Variants in VPS8 observed in about 807,000 individuals in gnomAD.
The protein encoded by VPS8 is vacuolar protein sorting-associated protein 8 homolog.
Under a neutral mutation model 216.4 loss-of-function variants are expected in VPS8, and 129 were observed. The ratio of observed to expected loss-of-function variants is 0.60; its 90% CI spans 0.52 to 0.69. The LOEUF (loss-of-function observed/expected upper bound fraction) is 0.69, where lower values mean the gene tolerates loss of function less well. Ranked by LOEUF, VPS8 falls within the 30% of genes least tolerant of loss-of-function variation. The pLI is 0.00. For missense variants in VPS8, 1,531 were observed against 1,683.5 expected, an observed-to-expected ratio of 0.91 and a Z score of 1.59; for synonymous variants, 571 against 565.4, an observed-to-expected ratio of 1.01 and a Z score of -0.14.
chr3:184,865,762 A>G (rs1457271396), intron 16 of VPS8, among the ~76,000 whole-genome samples: 1 of 151,922 alleles, frequency 6.6e-6, no homozygotes, highest in African/African-American at 2.4e-5. Context: ...CCGAGGCGGG[A>G]GGATCACCTG....
chr3:184,946,232 C>T (rs1252317128), intron 36 of VPS8, among the ~76,000 whole-genome samples: 1 of 152,210 alleles, frequency 6.6e-6, no homozygotes, highest in African/African-American at 2.4e-5. Flanking sequence ...CCCATAATCC[C>T]AATCTTGTAG....
chr3:184,820,795 T>G (rs1340953025), intron 1 of VPS8, among the ~76,000 whole-genome samples: 1 of 152,178 alleles, frequency 6.6e-6, no homozygotes, highest in Non-Finnish European at 1.5e-5. Context: ...AAGTGTAGAC[T>G]AATGTTGATG....
At chr3:184,877,088 C>G (rs1340249887) in intron 21 of VPS8, among the ~76,000 whole-genome samples, 1 of 152,174 alleles carries the variant, frequency 6.6e-6, no homozygotes, top group African/African-American at 2.4e-5. Context: ...TCCCTGTTCT[C>G]TCTTTACCCA....
chr3:184,843,236 A>C lies in VPS8; in HGVS notation c.536-4A>C. 7.0e-7 allele frequency: 1 copy of C among 1,420,628 alleles called. No individual in the cohort carries two copies. Among genetic ancestry groups the C allele is most frequent in the East Asian group, 2.5e-5 (1 of 40,004 alleles). 88.0% of individuals were successfully genotyped at this position (1,420,628 alleles called of 1,614,324 possible). On this transcript the variant is annotated splice_region_variant and splice_polypyrimidine_tract_variant and intron_variant, in intron 7 of 47. Transcript: ENST00000625842. ...TCTTGATCTTTTCTTCATGGATTCA[A>C]AAGGAAAAGGTATAGTAAGTAATTT... is the stretch of plus-strand genomic sequence containing the variant.
intron 28 of VPS8, 102 bp from the exon 29 acceptor site, chr3:184,920,025 T>G: frequency 1.2e-6 from 1 of 842,988 alleles, no homozygotes; most frequent in Non-Finnish European, 1.8e-6. Flanking sequence ...AGTTATCTTA[T>G]TTGAGAAATT....
chr3:184,908,918 T>C (rs1735982083), intron 25 of VPS8, among the ~76,000 whole-genome samples: 1 of 152,168 alleles, frequency 6.6e-6, no homozygotes, highest in African/African-American at 2.4e-5. Flanking sequence ...AACATTCGAT[T>C]GGTTAAAAGG....
intron 7 of VPS8, chr3:184,840,242 T>A (rs1721872064): frequency 6.5e-6 from 1 of 152,794 alleles, no homozygotes; most frequent in South Asian, 2.1e-4. Context: ...ATCACATTGC[T>A]TTCTTGGTTG....
chr3:184,992,978 G>A (rs1028023215), intron 42 of VPS8, among the ~76,000 whole-genome samples: 9 of 152,056 alleles, frequency 5.9e-5, no homozygotes, highest in Admixed American at 2.0e-4. Context: ...ATTTGATAAT[G>A]GTGGCTGGAG....
intron 22 of VPS8, among the ~76,000 whole-genome samples, chr3:184,890,215 A>G (rs1240279597): frequency 6.6e-6 from 1 of 152,122 alleles, no homozygotes. Context: ...TCTCTTCTGC[A>G]TTTCCAAATT....
rs574214192 is a variant in VPS8 at position 185,027,064 on chromosome 3, T to C, written c.4056+2675T>C. On this transcript the variant is annotated intron_variant, in intron 46 of 47. Transcript: ENST00000625842. The stretch of plus-strand genomic sequence containing the variant: ...TAAACAGTGGACTAGAGAAAAGAAA[T>C]ACAATCCTGTTCTCAAAGACCTCAG... Among the ~76,000 whole-genome samples, 21 of 151,842 alleles carry C rather than the reference T, an allele frequency of 1.4e-4. No homozygotes were observed. The South Asian group carries it at 4.4e-3, about 32-fold the overall frequency.
chr3:184,841,806 T>C (rs1158887679), intron 7 of VPS8, among the ~76,000 whole-genome samples: 1 of 152,058 alleles, frequency 6.6e-6, no homozygotes, highest in Non-Finnish European at 1.5e-5. Context: ...ATCAGAGAGG[T>C]TAAGTGAGAT....
At chr3:185,005,681 A>G (rs1403784115) in intron 45 of VPS8, among the ~76,000 whole-genome samples, 1 of 151,716 alleles carries the variant, frequency 6.6e-6, no homozygotes, top group East Asian at 1.9e-4. Flanking sequence ...AAAGGGATTG[A>G]GTTCTTGATT....
intron 17 of VPS8, 90 bp downstream of exon 17, chr3:184,867,040 CA>C (rs1351665552): frequency 8.5e-7 from 1 of 1,177,844 alleles, no homozygotes; most frequent in Non-Finnish European, 1.2e-6. Context: ...CAGTATATTG[CA>C]AAGTGAATAT....
chr3:184,858,576 C>T (rs553785866), intron 14 of VPS8, among the ~76,000 whole-genome samples: 2 of 152,234 alleles, frequency 1.3e-5, no homozygotes, highest in Admixed American at 6.5e-5. Context: ...TATGGTGGAT[C>T]GAATTGCTCT....
chr3:184,890,014 T>A lies in VPS8; in HGVS notation c.1781+3858T>A, dbSNP rs114973172. ...CAGTCTAACCACTTAAATGGTAGAG[T>A]TTTAAAAATTTTTTTCTTAGAGTTG... is the stretch of plus-strand genomic sequence containing the variant. On this transcript the variant is annotated intron_variant, in intron 22 of 47. Coordinates refer to ENST00000625842, the MANE Select transcript of VPS8 (RefSeq NM_001009921.3). Among the ~76,000 whole-genome samples, 695 of 152,234 alleles carry A rather than the reference T, an allele frequency of 4.6e-3. 8 individuals are homozygous for A. The highest frequency in any genetic ancestry group is 0.016 in the African/African-American group (653 of 41,532).
At chr3:185,046,979 A>C (rs1158704058) in intron 46 of VPS8, among the ~76,000 whole-genome samples, 1 of 152,212 alleles carries the variant, frequency 6.6e-6, no homozygotes, top group South Asian at 2.1e-4. Flanking sequence ...GTGCAAGCAC[A>C]GTACTGGGCA....
chr3:184,867,308 T>C (rs936117456), intron 17 of VPS8, among the ~76,000 whole-genome samples: 1 of 152,176 alleles, frequency 6.6e-6, no homozygotes, highest in Non-Finnish European at 1.5e-5. Context: ...AGGATGCTGA[T>C]TAAAATGTAT....
At chr3:184,934,524 A>G (rs578223877) in intron 34 of VPS8, among the ~76,000 whole-genome samples, 1 of 152,278 alleles carries the variant, frequency 6.6e-6, no homozygotes, top group East Asian at 1.9e-4. Context: ...GCTGTTGTTA[A>G]TGGCATTTTT....
At chr3:185,049,259 C>G (rs1170072486) in intron 47 of VPS8, among the ~76,000 whole-genome samples, 1 of 152,216 alleles carries the variant, frequency 6.6e-6, no homozygotes, top group Non-Finnish European at 1.5e-5. Flanking sequence ...GGGCTTCTAT[C>G]AGTCACTGCC....
Sources: gnomAD v4.1 joint callset for allele counts (sites outside exome capture counted in the v4.1 genomes callset) on GRCh38, gnomAD v4.1.1 for gene constraint, MANE v1.5 for transcripts, NCBI Gene and HGNC (gene_info 2026-07-23, HGNC 2026-07-21) for gene names.